The following MRPS28 variants were observed in gnomAD, a reference collection of about 807,000 sequenced individuals.
The protein encoded by MRPS28 is small ribosomal subunit protein bS1m.
Under a neutral mutation model 10.8 loss-of-function variants are expected in MRPS28, and 7 were observed. That is an observed-to-expected ratio of 0.65 (90% confidence interval 0.37 to 1.22). The LOEUF (loss-of-function observed/expected upper bound fraction) is 1.22. MRPS28 is among the 50% of genes most tolerant of loss of function. The pLI is 0.02. For synonymous variants in MRPS28, 121 were observed against 93.3 expected, an observed-to-expected ratio of 1.30 and a Z score of -1.71; for missense variants, 265 against 232.9, an observed-to-expected ratio of 1.14 and a Z score of -0.90.
chr8:79,960,629 T>C (rs1807351193), intron 2 of MRPS28, among the ~76,000 whole-genome samples: 1 of 152,076 alleles, frequency 6.6e-6, no homozygotes, highest in African/African-American at 2.4e-5. Context: ...CCAAAATATA[T>C]GTGTGGCTTA....
chr8:79,968,472 T>G (rs1187980386), intron 2 of MRPS28, among the ~76,000 whole-genome samples: 1 of 152,178 alleles, frequency 6.6e-6, no homozygotes, highest in Non-Finnish European at 1.5e-5. Context: ...GCATCAATCT[T>G]TGTATCTGTG....
At chr8:80,004,426 C>G (rs2130168538) in intron 1 of MRPS28, among the ~76,000 whole-genome samples, 1 of 152,332 alleles carries the variant, frequency 6.6e-6, no homozygotes, top group Middle Eastern at 3.4e-3. Context: ...GCTGAGGGTC[C>G]TGACTGTTAG....
At chr8:79,958,391 A>T (rs1463403834) in intron 2 of MRPS28, 1 of 698,750 alleles carries the variant, frequency 1.4e-6, no homozygotes, top group South Asian at 1.5e-5. Context: ...GGTTATCATC[A>T]CTTGTGAAAA....
intron 2 of MRPS28, among the ~76,000 whole-genome samples, chr8:79,985,171 G>A (rs1413702827): frequency 6.6e-6 from 1 of 152,160 alleles, no homozygotes; most frequent in African/African-American, 2.4e-5. Context: ...GCTCCTGAAT[G>A]ACTACTGGGT....
chr8:79,994,248 A>G (rs925291958), intron 2 of MRPS28, among the ~76,000 whole-genome samples: 3 of 152,216 alleles, frequency 2.0e-5, no homozygotes, highest in African/African-American at 7.2e-5. Flanking sequence ...GCATAGTTTA[A>G]CCACAGGGAT....
chr8:79,940,931 G>A (rs1046278582), intron 2 of MRPS28, among the ~76,000 whole-genome samples: 1 of 152,134 alleles, frequency 6.6e-6, no homozygotes, highest in Non-Finnish European at 1.5e-5. Context: ...TTTTTTGGAC[G>A]TAGGTATTAA....
intron 2 of MRPS28, among the ~76,000 whole-genome samples, chr8:79,992,658 T>G (rs1048998527): frequency 2.0e-5 from 3 of 152,218 alleles, no homozygotes; most frequent in African/African-American, 7.2e-5. Context: ...CAATAAATAT[T>G]TGCTGATAAA....
intron 2 of MRPS28, among the ~76,000 whole-genome samples, chr8:79,999,588 T>A (rs1263709150): frequency 1.3e-5 from 2 of 152,218 alleles, no homozygotes; most frequent in African/African-American, 2.4e-5. Flanking sequence ...CTTCATTTCA[T>A]GACAGATTAA....
At chr8:79,958,555 G>A (rs1807288294) in intron 2 of MRPS28, 1 of 569,796 alleles carries the variant, frequency 1.8e-6, no homozygotes, top group Admixed American at 3.4e-5. Flanking sequence ...TTAAGAAAGA[G>A]AGTCACTAAT....
intron 1 of MRPS28, among the ~76,000 whole-genome samples, chr8:80,005,190 T>A (rs1331602381): frequency 6.6e-6 from 1 of 152,074 alleles, no homozygotes; most frequent in Non-Finnish European, 1.5e-5. Flanking sequence ...ATTATCAGAT[T>A]CACCAAAGTT....
At chr8:80,010,491 T>C (rs114982751) in intron 1 of MRPS28, among the ~76,000 whole-genome samples, 2,000 of 152,310 alleles carry the variant, frequency 0.013, 61 homozygotes, top group African/African-American at 0.044. Flanking sequence ...AATCAGGATA[T>C]GTGCCCAAGT....
At chr8:80,025,448 T>C (rs938536748) in intron 1 of MRPS28, among the ~76,000 whole-genome samples, 1 of 152,184 alleles carries the variant, frequency 6.6e-6, no homozygotes, top group African/African-American at 2.4e-5. Flanking sequence ...AAATACACTC[T>C]TGTAAGTACG....
At chr8:79,989,627 C>A (rs1208605610) in intron 2 of MRPS28, among the ~76,000 whole-genome samples, 1 of 152,116 alleles carries the variant, frequency 6.6e-6, no homozygotes, top group African/African-American at 2.4e-5. Context: ...GAACATGAAC[C>A]CCGCAACATT....
At chr8:79,968,134 T>C (rs981193208) in intron 2 of MRPS28, among the ~76,000 whole-genome samples, 1 of 152,192 alleles carries the variant, frequency 6.6e-6, no homozygotes, top group African/African-American at 2.4e-5. Context: ...ACCACGGTCT[T>C]AATTTGTCTT....
intron 2 of MRPS28, among the ~76,000 whole-genome samples, chr8:79,920,368 T>C (rs1487073381): frequency 2.0e-5 from 3 of 152,192 alleles, no homozygotes; most frequent in Non-Finnish European, 4.4e-5. Context: ...ATTGCCACAC[T>C]GTCTTCCACA....
Position 80,003,166 on chromosome 8 carries a change from A to G in MRPS28, c.228T>C (p.Asn76=). The change falls in exon 2 of 3, where the codon AAT becomes AAC. Residue 76 remains asparagine, a synonymous_variant. Transcript: ENST00000276585. ...TCAGCATAGATGCAAAGGATTCCAC[A>G]TTTTTTGGAGAACCCTAAATATGAA... ...VEPLQKGSPK[N]VESFASMLRH... 1.3e-6 allele frequency: 2 copies of G among 1,583,720 alleles called. No individual in the cohort carries two copies. Among genetic ancestry groups the G allele is most frequent in the Non-Finnish European group, 1.7e-6 (2 of 1,170,554 alleles).
At chr8:79,931,626 C>T (rs560308545) in intron 2 of MRPS28, among the ~76,000 whole-genome samples, 5 of 152,240 alleles carry the variant, frequency 3.3e-5, no homozygotes, top group South Asian at 2.1e-4. Flanking sequence ...GGAAATAATG[C>T]ATATAAAAGA....
At chr8:80,020,894 T>C (rs1226261008) in intron 1 of MRPS28, among the ~76,000 whole-genome samples, 1 of 152,084 alleles carries the variant, frequency 6.6e-6, no homozygotes, top group Non-Finnish European at 1.5e-5. Flanking sequence ...AACACTGGAA[T>C]TTCTATTTGT....
chr8:79,926,332 AGT>A (rs552464862), intron 2 of MRPS28, among the ~76,000 whole-genome samples: 341 of 152,346 alleles, frequency 2.2e-3, no homozygotes, highest in Non-Finnish European at 3.8e-3. Context: ...AAGTTTTTTC[AGT>A]GTAGCACAGA....
Sources: gnomAD v4.1 joint callset for allele counts (sites outside exome capture counted in the v4.1 genomes callset) on GRCh38, gnomAD v4.1.1 for gene constraint, MANE v1.5 for transcripts, NCBI Gene and HGNC (gene_info 2026-07-23, HGNC 2026-07-21) for gene names.